Variants in CCDC85C observed in about 807,000 individuals in gnomAD.
CCDC85C encodes coiled-coil domain-containing protein 85C.
In CCDC85C, 18 loss-of-function variants were observed where a neutral mutation model predicts 38.3. The observed-to-expected ratio is 0.47, with a 90% CI of 0.33 to 0.70. CCDC85C has a LOEUF of 0.70. CCDC85C is among the 30% of genes least tolerant of loss of function. The probability of loss-of-function intolerance (pLI) is 0.03; values close to 1 mark genes in which losing one functional copy is unlikely to be tolerated. For missense variants in CCDC85C, 566 were observed against 621.2 expected (o/e 0.91, Z 0.94); for synonymous variants, 264 against 293.8 (o/e 0.90, Z 1.04).
At chr14:99,575,031 G>A (rs1409709069) in intron 1 of CCDC85C, among the ~76,000 whole-genome samples, 2 of 152,188 alleles carry the variant, frequency 1.3e-5, no homozygotes, top group Admixed American at 6.5e-5. Context: ...CTGGAGGGTC[G>A]AGACTGCAGC....
At chr14:99,531,412 G>C (rs1443588786) in intron 2 of CCDC85C, among the ~76,000 whole-genome samples, 1 of 152,186 alleles carries the variant, frequency 6.6e-6, no homozygotes, top group Non-Finnish European at 1.5e-5. Context: ...GGAAAAATAA[G>C]AATGCACACG....
rs1321430605 is a variant in CCDC85C, at chr14:99,603,612, C to T, written c.348G>A (p.Val116=). ...QRFGRHAAGA[V]WHEVARSQQK... ...GCTGCGAGCGGGCCACCTCGTGCCA[C>T]ACGGCGCCGGCCGCGTGGCGCCCGA... Residue 116 remains valine, a synonymous_variant, in exon 1 of 6, where the codon GTG becomes GTA. Coordinates refer to ENST00000380243, the MANE Select transcript of CCDC85C (RefSeq NM_001144995.2). The surrounding 1 kb of genome is among the most constrained non-coding windows in gnomAD (Gnocchi z 7.5). 1 of 1,457,674 alleles carries T rather than the reference C, an allele frequency of 6.9e-7. No individual in the cohort carries two copies. Among genetic ancestry groups the T allele is most frequent in the Admixed American group, 2.4e-5 (1 of 42,134 alleles). The allele number at this position is 1,457,674 out of a possible 1,614,324, so 90.3% of individuals were successfully genotyped here.
At chr14:99,586,018 C>T (rs1483573070) in intron 1 of CCDC85C, among the ~76,000 whole-genome samples, 2 of 152,226 alleles carry the variant, frequency 1.3e-5, no homozygotes, top group Non-Finnish European at 2.9e-5. Flanking sequence ...TAACAATGAC[C>T]CCACATGACT....
chr14:99,584,309 G>A (rs2055005350), intron 1 of CCDC85C, among the ~76,000 whole-genome samples: 2 of 152,204 alleles, frequency 1.3e-5, no homozygotes, highest in Admixed American at 6.5e-5. Flanking sequence ...TAGGGGCAGT[G>A]ATTCTCTGTA....
At chr14:99,580,651 C>T (rs1000363355) in intron 1 of CCDC85C, among the ~76,000 whole-genome samples, 3 of 151,974 alleles carry the variant, frequency 2.0e-5, no homozygotes, top group South Asian at 2.1e-4. Context: ...GCTCATTTGA[C>T]GTCAGGAGTT....
chr14:99,572,644 A>G lies in CCDC85C; in HGVS notation c.793+30523T>C, dbSNP rs1337941796. 1 of 455,202 alleles carries G rather than the reference A, an allele frequency of 2.2e-6. No individual in the cohort carries two copies. Among genetic ancestry groups the G allele is most frequent in the African/African-American group, 2.0e-5 (1 of 49,998 alleles). 28.2% of individuals were successfully genotyped at this position (455,202 alleles called of 1,614,324 possible). A position where few individuals can be genotyped will look rare whatever the true frequency, so the allele number is the denominator to read the frequency against. On this transcript the variant is annotated intron_variant, in intron 1 of 5. Transcript: ENST00000380243. The surrounding 1 kb of genome is among the most constrained non-coding windows in gnomAD (Gnocchi z 4.4). ...CAGGGACGACAGCTGCTTATCATCC[A>G]AGCCCCAGGTGACCTGGCCCCTCCT...
At chr14:99,577,528 C>A (rs550688234) in intron 1 of CCDC85C, among the ~76,000 whole-genome samples, 11 of 152,068 alleles carry the variant, frequency 7.2e-5, no homozygotes, top group Admixed American at 1.3e-4. Context: ...CTCCGGGACA[C>A]CCCTGCAGTG....
intron 1 of CCDC85C, among the ~76,000 whole-genome samples, chr14:99,582,220 G>A (rs1052699543): frequency 6.6e-6 from 1 of 152,132 alleles, no homozygotes; most frequent in Non-Finnish European, 1.5e-5. Flanking sequence ...AAAGGGGTAG[G>A]CGCGGCCTAG....
At chr14:99,571,072 C>T (rs1898330543) in intron 1 of CCDC85C, among the ~76,000 whole-genome samples, 3 of 152,268 alleles carry the variant, frequency 2.0e-5, no homozygotes, top group African/African-American at 7.2e-5. Flanking sequence ...AGTGACCCCA[C>T]CTGCCAGGGA....
intron 1 of CCDC85C, among the ~76,000 whole-genome samples, chr14:99,556,470 C>T (rs755436928): frequency 4.6e-5 from 7 of 152,274 alleles, no homozygotes; most frequent in East Asian, 1.9e-4. Context: ...ATAGTATCAA[C>T]GTTAAATGTT....
chr14:99,543,865 TTGGCGG>T (rs61373193), intron 1 of CCDC85C, among the ~76,000 whole-genome samples: 2,788 of 152,226 alleles, frequency 0.018, 64 homozygotes, highest in African/African-American at 0.062. Context: ...AGGACAGCTT[TTGGCGG>T]TGGCTGCATG....
At chr14:99,519,325 C>A (rs1376259032) in intron 3 of CCDC85C, among the ~76,000 whole-genome samples, 1 of 149,720 alleles carries the variant, frequency 6.7e-6, no homozygotes, top group African/African-American at 2.5e-5. Context: ...TCATGTTGCC[C>A]AGGCTGGTCT....
rs1897021959 is a variant in CCDC85C at position 99,508,120 on chromosome 14, A to G, written c.*7126T>C. On this transcript the variant is annotated 3_prime_UTR_variant, in exon 6 of 6. Transcript: ENST00000380243. ...GCTGACAGCACTGTGTGCCCGTAACAGATGTGCCACAGATTACATTTCTGT... is the reference window on the plus strand; with the variant it reads ...GCTGACAGCACTGTGTGCCCGTAACGGATGTGCCACAGATTACATTTCTGT... 6.6e-6 allele frequency: 1 copy of G among 152,250 alleles called. No individual in the cohort carries two copies. 9.4% of individuals were successfully genotyped at this position (152,250 alleles called of 1,614,324 possible).
intron 3 of CCDC85C, among the ~76,000 whole-genome samples, chr14:99,517,611 C>T (rs528233487): frequency 9.3e-4 from 141 of 152,312 alleles, no homozygotes; most frequent in African/African-American, 3.3e-3. Context: ...CCCTGCCCAC[C>T]CTGGAGCCAC....
In CCDC85C at chr14:99,503,923, T is replaced by G. The variant is rs936990417; in HGVS notation, c.*11323A>C. ...TATAATTATGGCTGTAGGAGAACTG[T>G]TGCTGCAATTTTATTTTTAGAGACT... On this transcript the variant is annotated 3_prime_UTR_variant, in exon 6 of 6. Transcript: ENST00000380243. 9.0e-6 allele frequency: 4 copies of G among 444,116 alleles called. No homozygotes were observed. The highest frequency in any genetic ancestry group is 1.6e-5 in the Non-Finnish European group (4 of 246,074). The allele number at this position is 444,116 out of a possible 1,614,324, so 27.5% of individuals were successfully genotyped here.
chr14:99,540,165 CG>C (rs1897685170), intron 1 of CCDC85C, among the ~76,000 whole-genome samples: 1 of 151,656 alleles, frequency 6.6e-6, no homozygotes, highest in Admixed American at 6.6e-5. Flanking sequence ...GGGGGGGGAA[CG>C]GATTAAACTC....
At chr14:99,563,645 G>C (rs1898160283) in intron 1 of CCDC85C, among the ~76,000 whole-genome samples, 1 of 152,252 alleles carries the variant, frequency 6.6e-6, no homozygotes, top group African/African-American at 2.4e-5. Context: ...CAGGCACCAT[G>C]CTTCCCACGA....
Position 99,576,789 on chromosome 14 carries a change from G to A in CCDC85C, c.793+26378C>T, listed in dbSNP as rs1300115261. On this transcript the variant is annotated intron_variant, in intron 1 of 5. Transcript: ENST00000380243. The surrounding 1 kb of genome is among the most constrained non-coding windows in gnomAD (Gnocchi z 4.8). ...ATGACACCCTGGGGATTCAGAGGGTGGAACGGACTATCAGTCACTCTACAG... is the reference window on the plus strand; with the variant it reads ...ATGACACCCTGGGGATTCAGAGGGTAGAACGGACTATCAGTCACTCTACAG... Among the ~76,000 whole-genome samples the A allele has an allele frequency of 1.3e-5, 2 of 152,176 alleles. No individual in the cohort carries two copies. Among genetic ancestry groups the A allele is most frequent in the Admixed American group, 6.5e-5 (1 of 15,284 alleles).
At chr14:99,518,397 C>T (rs983893801) in intron 3 of CCDC85C, among the ~76,000 whole-genome samples, 21 of 152,268 alleles carry the variant, frequency 1.4e-4, no homozygotes, top group Admixed American at 1.2e-3. Context: ...TCTAGGAAAG[C>T]GTCATTGAGG....
Sources: gnomAD v4.1 joint callset for allele counts (sites outside exome capture counted in the v4.1 genomes callset) on GRCh38, gnomAD v4.1.1 for gene constraint, Gnocchi (gnomAD v3.1) non-coding constraint, MANE v1.5 for transcripts, NCBI Gene and HGNC (gene_info 2026-07-23, HGNC 2026-07-21) for gene names.